Variants in GRM5 observed in about 807,000 individuals in gnomAD.
The protein encoded by GRM5 is glutamate metabotropic receptor 5, also known as metabotropic glutamate receptor 5.
In GRM5, 19 loss-of-function variants were observed where a neutral mutation model predicts 83.1. The ratio of observed to expected loss-of-function variants is 0.23; its 90% CI spans 0.16 to 0.34. GRM5 has a LOEUF of 0.34. Among genes scored for constraint, GRM5 ranks in the 10% least tolerant of loss-of-function variants. GRM5 has a pLI of 1.00. For missense variants in GRM5, 1,160 were observed against 1,588.3 expected (o/e 0.73, Z 4.58); for synonymous variants, 675 against 633.6 (o/e 1.07, Z -0.98).
intron 3 of GRM5, among the ~76,000 whole-genome samples, chr11:88,703,875 A>G (rs113274158): frequency 1.1e-3 from 165 of 152,198 alleles, no homozygotes; most frequent in African/African-American, 3.1e-3. Context: ...AACCCTTCCA[A>G]TACCTGGAAT....
At chr11:88,734,485 A>C (rs572347460) in intron 3 of GRM5, among the ~76,000 whole-genome samples, 14 of 152,076 alleles carry the variant, frequency 9.2e-5, no homozygotes, top group Non-Finnish European at 1.5e-4. Flanking sequence ...GATCTCAAAG[A>C]GACCCACCCT....
chr11:88,784,673 A>T (rs2135466916), intron 3 of GRM5, among the ~76,000 whole-genome samples: 1 of 152,170 alleles, frequency 6.6e-6, no homozygotes, highest in East Asian at 1.9e-4. Context: ...GGTAGAAATT[A>T]TTCATTTTAT....
At chr11:88,707,014 G>A (rs531031666) in intron 3 of GRM5, among the ~76,000 whole-genome samples, 2 of 152,106 alleles carry the variant, frequency 1.3e-5, no homozygotes, top group Admixed American at 6.6e-5. Context: ...TATTTCTGCT[G>A]GAAGTGCTCC....
chr11:88,836,431 A>G (rs937444595), intron 3 of GRM5, among the ~76,000 whole-genome samples: 1 of 152,218 alleles, frequency 6.6e-6, no homozygotes, highest in Non-Finnish European at 1.5e-5. Flanking sequence ...ATGTGTGTAT[A>G]TAAATCTGTG....
intron 4 of GRM5, among the ~76,000 whole-genome samples, chr11:88,628,696 AG>A (rs1462408826): frequency 2.0e-5 from 3 of 152,222 alleles, no homozygotes; most frequent in Non-Finnish European, 4.4e-5. Flanking sequence ...AGCAGGAGAA[AG>A]GTATATCAAG....
At chr11:88,664,518 C>T (rs1011480246) in intron 3 of GRM5, among the ~76,000 whole-genome samples, 6 of 152,046 alleles carry the variant, frequency 3.9e-5, no homozygotes, top group African/African-American at 1.4e-4. Flanking sequence ...ATGATCTTGG[C>T]TCACTGCAAC....
At chr11:88,682,364 T>C (rs12364535) in intron 3 of GRM5, among the ~76,000 whole-genome samples, 2,852 of 152,218 alleles carry the variant, frequency 0.019, 67 homozygotes, top group East Asian at 0.095. Context: ...CATTTAGCAA[T>C]TACCTAGCCT....
chr11:88,938,523 C>A (rs185588571), intron 2 of GRM5, among the ~76,000 whole-genome samples: 3 of 147,070 alleles, frequency 2.0e-5, no homozygotes, highest in African/African-American at 7.5e-5. Context: ...ACTTTTAATT[C>A]GCACAATATT....
chr11:89,060,284 AT>A (rs1941964835), intron 1 of GRM5, among the ~76,000 whole-genome samples: 1 of 100,522 alleles, frequency 9.9e-6, no homozygotes, highest in Non-Finnish European at 2.8e-5. Context: ...ATATATATAT[AT>A]ACACACACAC....
chr11:88,961,858 G>A (rs369407340), intron 2 of GRM5, among the ~76,000 whole-genome samples: 135 of 152,244 alleles, frequency 8.9e-4, no homozygotes, highest in African/African-American at 2.6e-3. Flanking sequence ...ATGTACACCC[G>A]GTGATCAGTG....
chr11:88,690,458 G>A (rs1485701797), intron 3 of GRM5, among the ~76,000 whole-genome samples: 1 of 152,024 alleles, frequency 6.6e-6, no homozygotes, highest in Non-Finnish European at 1.5e-5. Context: ...ACTCCCCAGT[G>A]ATATTTTTAT....
At chr11:88,952,937 GTTA>G (rs1285690951) in intron 2 of GRM5, among the ~76,000 whole-genome samples, 1 of 152,050 alleles carries the variant, frequency 6.6e-6, no homozygotes, top group Non-Finnish European at 1.5e-5. Context: ...AAATTTAATA[GTTA>G]TTATATTTGA....
At chr11:88,644,650 C>A (rs1473813077) in intron 4 of GRM5, among the ~76,000 whole-genome samples, 1 of 152,102 alleles carries the variant, frequency 6.6e-6, no homozygotes, top group Non-Finnish European at 1.5e-5. Context: ...TATCCCAAAG[C>A]AGTTTTGGGT....
intron 2 of GRM5, among the ~76,000 whole-genome samples, chr11:89,030,567 T>C (rs957268794): frequency 3.3e-5 from 5 of 152,096 alleles, no homozygotes; most frequent in African/African-American, 1.2e-4. Flanking sequence ...TTGTAAGGAC[T>C]AAATAAAATA....
intron 2 of GRM5, among the ~76,000 whole-genome samples, chr11:89,030,290 T>C (rs1941231392): frequency 6.6e-6 from 1 of 152,128 alleles, no homozygotes; most frequent in Non-Finnish European, 1.5e-5. Context: ...CCAAATGCTT[T>C]TTTTCTTATA....
chr11:89,037,572 C>T lies in GRM5; in HGVS notation c.661+9640G>A, dbSNP rs181148704. Reference sequence around the variant, plus strand: ...ACCCAGGCAAATTTGAGTACAAATACTGATTAATAGTCTTGCTAGTTGAGG... The same window carrying T: ...ACCCAGGCAAATTTGAGTACAAATATTGATTAATAGTCTTGCTAGTTGAGG... On this transcript the variant is annotated intron_variant, in intron 2 of 9. Coordinates refer to ENST00000305447, the MANE Select transcript of GRM5 (RefSeq NM_001143831.3). 3.8e-3 allele frequency among the ~76,000 whole-genome samples: 583 copies of T among 152,140 alleles called. 2 individuals carry two copies. The highest frequency in any genetic ancestry group is 0.013 in the African/African-American group (546 of 41,516).
In GRM5 at chr11:88,982,329, A is replaced by G. The variant is rs186002615; in HGVS notation, c.661+64883T>C. Reference sequence around the variant, plus strand: ...TTACATTTATAATACAATCTAAAAAATACAAATAAGTGATATATAAACCTT... The same window carrying G: ...TTACATTTATAATACAATCTAAAAAGTACAAATAAGTGATATATAAACCTT... On this transcript the variant is annotated intron_variant, in intron 2 of 9. Coordinates refer to ENST00000305447, the MANE Select transcript of GRM5 (RefSeq NM_001143831.3). 1.0e-3 allele frequency among the ~76,000 whole-genome samples: 156 copies of G among 152,306 alleles called. 1 individual carries two copies. Among genetic ancestry groups the G allele is most frequent in the African/African-American group, 3.4e-3 (143 of 41,578 alleles).
At chr11:88,846,835 A>T (rs1394461326) in intron 3 of GRM5, among the ~76,000 whole-genome samples, 1 of 152,190 alleles carries the variant, frequency 6.6e-6, no homozygotes, top group African/African-American at 2.4e-5. Context: ...CTAAATAAAA[A>T]TTTTCAGGAG....
intron 3 of GRM5, among the ~76,000 whole-genome samples, chr11:88,684,060 A>G (rs1940561116): frequency 6.6e-6 from 1 of 152,194 alleles, no homozygotes; most frequent in Non-Finnish European, 1.5e-5. Context: ...AGGTCTATGA[A>G]AACAATGTCC....
Sources: gnomAD v4.1 joint callset for allele counts (sites outside exome capture counted in the v4.1 genomes callset) on GRCh38, gnomAD v4.1.1 for gene constraint, MANE v1.5 for transcripts, NCBI Gene and HGNC (gene_info 2026-07-23, HGNC 2026-07-21) for gene names.